Variants in CPEB2 observed in about 807,000 individuals in gnomAD.
The protein encoded by CPEB2 is cytoplasmic polyadenylation element binding protein 2.
In CPEB2, 56 loss-of-function variants were observed where a neutral mutation model predicts 93.6. That is an observed-to-expected ratio of 0.60 (90% CI 0.48 to 0.75). The LOEUF is 0.75. Ranked by LOEUF, CPEB2 falls within the 30% of genes least tolerant of loss-of-function variation. The probability of loss-of-function intolerance (pLI) is 0.00; values close to 1 mark genes in which losing one functional copy is unlikely to be tolerated. For missense variants in CPEB2, 1,579 were observed against 1,395.1 expected (o/e 1.13, Z -2.10); for synonymous variants, 764 against 586.3 (o/e 1.30, Z -4.38).
chr4:15,034,335 A>C (rs1259687321), intron 5 of CPEB2, among the ~76,000 whole-genome samples: 2 of 152,232 alleles, frequency 1.3e-5, no homozygotes, highest in African/African-American at 2.4e-5. Flanking sequence ...GTGTATTTGC[A>C]ACTTACATTA....
At chr4:15,056,522 TTG>T (rs1168544786) in intron 8 of CPEB2, among the ~76,000 whole-genome samples, 48 of 152,214 alleles carry the variant, frequency 3.2e-4, no homozygotes, top group Non-Finnish European at 1.2e-4. Flanking sequence ...AAAAATAAAA[TTG>T]GCACTGGCAA....
Position 15,041,463 on chromosome 4 carries a change from C to T in CPEB2, c.2200+976C>T, listed in dbSNP as rs1237122017. On this transcript the variant is annotated intron_variant, in intron 6 of 11. Coordinates refer to ENST00000538197, the MANE Select transcript of CPEB2 (RefSeq NM_001177382.2). Reference sequence around the variant, plus strand: ...TGTTGCCCAGGCTGGAGTGCAGTGGCGCGATCTCGGCTCACCACAACCTCT... The same window carrying T: ...TGTTGCCCAGGCTGGAGTGCAGTGGTGCGATCTCGGCTCACCACAACCTCT... Among the ~76,000 whole-genome samples the T allele has an allele frequency of 4.0e-5, 6 of 151,236 alleles. No homozygotes were observed. In the East Asian group the frequency reaches 5.8e-4, roughly 15 times the overall value.
chr4:15,004,595 G>A (rs568688356), intron 1 of CPEB2, among the ~76,000 whole-genome samples: 1 of 152,080 alleles, frequency 6.6e-6, no homozygotes, highest in East Asian at 1.9e-4. Context: ...AGCCGCGGCT[G>A]GCCGGGCGCC....
chr4:15,042,993 A>G (rs1029081743), intron 6 of CPEB2, among the ~76,000 whole-genome samples: 1 of 152,204 alleles, frequency 6.6e-6, no homozygotes, highest in African/African-American at 2.4e-5. Context: ...CTGAGTTGAT[A>G]TAATTTTTGC....
intron 10 of CPEB2, among the ~76,000 whole-genome samples, chr4:15,061,163 T>C (rs1729155988): frequency 6.6e-6 from 1 of 152,098 alleles, no homozygotes; most frequent in South Asian, 2.1e-4. Context: ...AAGTCTGGCA[T>C]CCATGGGAGA....
intron 6 of CPEB2, among the ~76,000 whole-genome samples, chr4:15,046,506 A>G (rs1727718168): frequency 1.3e-5 from 2 of 152,228 alleles, no homozygotes; most frequent in East Asian, 3.8e-4. Flanking sequence ...GATTACAGGC[A>G]TGAGCCATCG....
chr4:15,066,404 A>G lies in CPEB2; in HGVS notation c.*24A>G. ...AAGAATAGCAAACTGGCCTCTGTTT[A>G]ACAAGGAAAGAAAGGGTGCATGTGG... is the stretch of plus-strand genomic sequence containing the variant. On this transcript the variant is annotated 3_prime_UTR_variant, in exon 12 of 12. Coordinates refer to ENST00000538197, the MANE Select transcript of CPEB2 (RefSeq NM_001177382.2). 1.3e-6 allele frequency: 2 copies of G among 1,532,412 alleles called. No homozygotes were observed. The highest frequency in any genetic ancestry group is 1.8e-6 in the Non-Finnish European group (2 of 1,122,852). The allele number at this position is 1,532,412 out of a possible 1,614,324, so 94.9% of individuals were successfully genotyped here.
intron 11 of CPEB2, among the ~76,000 whole-genome samples, chr4:15,064,654 T>C (rs955581060): frequency 1.3e-5 from 2 of 152,088 alleles, no homozygotes; most frequent in Non-Finnish European, 2.9e-5. Flanking sequence ...CATATATTTA[T>C]AGCATTTCTA....
intron 6 of CPEB2, among the ~76,000 whole-genome samples, chr4:15,051,258 T>C (rs1728194314): frequency 6.6e-6 from 1 of 152,186 alleles, no homozygotes; most frequent in Admixed American, 6.5e-5. Flanking sequence ...TGAATCCCTG[T>C]ATCTAGTTTA....
Position 15,002,730 on chromosome 4 carries a change from T to C in CPEB2, c.57T>C (p.Pro19=), listed in dbSNP as rs1328765556. 6.5e-7 allele frequency: 1 copy of C among 1,534,532 alleles called. No homozygotes were observed. Among genetic ancestry groups the C allele is most frequent in the South Asian group, 1.2e-5 (1 of 83,972 alleles). The change falls in exon 1 of 12, where the codon CCT becomes CCC. Residue 19 remains proline (P), a synonymous_variant. Coordinates refer to ENST00000538197, the MANE Select transcript of CPEB2 (RefSeq NM_001177382.2). ...CCGCCCCGCTCCGAAGTAGCAGTCC[T>C]GGGCCCCTGTTCTGCGGCGAGGCGT... ...LQTAPLRSSS[P]GPLFCGEAYG...
chr4:15,037,640 G>A (rs2109041537), intron 5 of CPEB2, among the ~76,000 whole-genome samples: 1 of 152,176 alleles, frequency 6.6e-6, no homozygotes, highest in Non-Finnish European at 1.5e-5. Flanking sequence ...CTTGTCTTCA[G>A]GCTTTTCTCA....
intron 3 of CPEB2, among the ~76,000 whole-genome samples, chr4:15,016,581 T>C (rs1290478424): frequency 6.6e-6 from 1 of 151,858 alleles, no homozygotes; most frequent in Non-Finnish European, 1.5e-5. Flanking sequence ...CAGAGACAAA[T>C]ATGGAAGCAC....
At chr4:15,022,354 CT>C (rs1458352032) in intron 4 of CPEB2, among the ~76,000 whole-genome samples, 1 of 152,116 alleles carries the variant, frequency 6.6e-6, no homozygotes, top group Non-Finnish European at 1.5e-5. Context: ...CTTATTTCCC[CT>C]GACAGAGAAA....
chr4:15,025,363 CTTT>C (rs902015318), intron 4 of CPEB2, among the ~76,000 whole-genome samples: 1 of 151,844 alleles, frequency 6.6e-6, no homozygotes, highest in Non-Finnish European at 1.5e-5. Flanking sequence ...CTTCAAAGTT[CTTT>C]TTTATTTGTT....
chr4:15,043,759 G>A (rs1280064398), intron 6 of CPEB2, among the ~76,000 whole-genome samples: 3 of 151,914 alleles, frequency 2.0e-5, no homozygotes, highest in Admixed American at 6.6e-5. Flanking sequence ...TCTAAGACCC[G>A]GAAGGCAATC....
At chr4:15,023,694 C>G (rs1336571911) in intron 4 of CPEB2, among the ~76,000 whole-genome samples, 2 of 151,422 alleles carry the variant, frequency 1.3e-5, no homozygotes, top group Non-Finnish European at 2.9e-5. Context: ...AGTCTCCTTC[C>G]TCCTCCTTGT....
At chr4:15,062,399 AT>A in intron 11 of CPEB2, 139 bp downstream of exon 11, 1 of 520,308 alleles carries the variant, frequency 1.9e-6, no homozygotes, top group Non-Finnish European at 3.2e-6. Flanking sequence ...TTATATAAAA[AT>A]ATCCTTGAAA....
At chr4:15,018,969 T>TATATATATATAC (rs1479960595) in intron 4 of CPEB2, among the ~76,000 whole-genome samples, 230 of 139,096 alleles carry the variant, frequency 1.7e-3, no homozygotes, top group East Asian at 2.6e-3. Context: ...TATATATATA[T>TATATATATATAC]ACACACGCAC....
chr4:15,039,054 A>G (rs548055968), intron 5 of CPEB2, among the ~76,000 whole-genome samples: 16 of 152,330 alleles, frequency 1.1e-4, no homozygotes, highest in Non-Finnish European at 2.1e-4. Flanking sequence ...GAGAAATAAT[A>G]TATAGGTCAG....
Sources: gnomAD v4.1 joint callset for allele counts (sites outside exome capture counted in the v4.1 genomes callset) on GRCh38, gnomAD v4.1.1 for gene constraint, MANE v1.5 for transcripts, NCBI Gene and HGNC (gene_info 2026-07-23, HGNC 2026-07-21) for gene names.